The following MAPK8IP2 variants were observed in gnomAD, a reference collection of about 807,000 sequenced individuals.
The protein encoded by MAPK8IP2 is C-Jun-amino-terminal kinase-interacting protein 2.
Under a neutral mutation model 75.6 loss-of-function variants are expected in MAPK8IP2, and 15 were observed. The observed-to-expected ratio is 0.20, with a 90% CI of 0.13 to 0.31. The LOEUF is 0.31. MAPK8IP2 is among the 10% of genes least tolerant of loss of function. The pLI is 1.00. For synonymous variants in MAPK8IP2, 632 were observed against 554.5 expected (o/e 1.14, Z -1.96); for missense variants, 1,089 against 1,211.2 (o/e 0.90, Z 1.50).
chr22:50,604,844 G>A lies in MAPK8IP2; in HGVS notation c.1545G>A (p.Val515=). 2 of 1,586,684 alleles carry A rather than the reference G, an allele frequency of 1.3e-6. No individual in the cohort carries two copies. Among genetic ancestry groups the A allele is most frequent in the South Asian group, 2.3e-5 (2 of 88,500 alleles). ...VYDAVKYTLV[V]DEHTQLELVS... ...ACGCGGTCAAGTACACGCTGGTGGT[G>A]GATGAGCACACGCAGCTGGAGCTGG... The change falls in exon 5 of 12, where the codon GTG becomes GTA. Residue 515 remains valine, a synonymous_variant. Transcript: ENST00000329492.
In MAPK8IP2 at chr22:50,600,850, C is replaced by T. The variant is rs554703703; in HGVS notation, c.32C>T (p.Ser11Phe). Residue 11 changes from serine (S) to phenylalanine (F), a missense_variant, in exon 1 of 12, where the codon TCC (serine) becomes TTC (phenylalanine). Ser to Phe is a radical substitution (Grantham distance 155). Transcript: ENST00000329492. ...GATCGCGCGGAGATGTTTTCTCTCT[C>T]CACCTTCCACTCGCTGTCGCCGCCG... MADRAEMFSL[S>F]TFHSLSPPGC... 9.8e-5 allele frequency: 128 copies of T among 1,310,670 alleles called. No homozygotes were observed. The highest frequency in any genetic ancestry group is 1.1e-4 in the Non-Finnish European group (110 of 1,004,138). 81.2% of individuals were successfully genotyped at this position (1,310,670 alleles called of 1,614,324 possible). A position where few individuals can be genotyped will look rare whatever the true frequency, so the allele number is the denominator to read the frequency against.
intron 8 of MAPK8IP2, among the ~76,000 whole-genome samples, chr22:50,606,245 C>T (rs1162453232): frequency 6.6e-6 from 1 of 152,230 alleles, no homozygotes; most frequent in Non-Finnish European, 1.5e-5. Flanking sequence ...GACCAGCCCT[C>T]ACAGCCCCTT....
intron 6 of MAPK8IP2, 37 bp from the exon 7 acceptor site, chr22:50,605,525 C>A: frequency 2.8e-6 from 2 of 717,610 alleles, no homozygotes; most frequent in Non-Finnish European, 4.7e-6. Flanking sequence ...ACCGTCAATC[C>A]CGCCCCCCTC....
chr22:50,602,479 G>A (rs544324623), intron 2 of MAPK8IP2, among the ~76,000 whole-genome samples: 18 of 152,352 alleles, frequency 1.2e-4, no homozygotes, highest in African/African-American at 3.8e-4. Flanking sequence ...AGAAAGACTT[G>A]TAAGGGACAA....
At chr22:50,606,527 G>T in intron 8 of MAPK8IP2, 131 bp from the exon 9 acceptor site, 1 of 701,058 alleles carries the variant, frequency 1.4e-6, no homozygotes, top group Non-Finnish European at 2.6e-6. Flanking sequence ...TTCCAGAATT[G>T]CATCTCAGGG....
At chr22:50,605,312 A>G in intron 5 of MAPK8IP2, 56 bp from the exon 6 acceptor site, 1 of 1,537,176 alleles carries the variant, frequency 6.5e-7, no homozygotes, top group South Asian at 1.1e-5. Flanking sequence ...GCCTCTAAGC[A>G]CTACTCTGAC....
chr22:50,600,962 C>T (rs1465291748), intron 1 of MAPK8IP2, 79 bp downstream of exon 1: 3 of 445,310 alleles, frequency 6.7e-6, no homozygotes, highest in Non-Finnish European at 9.2e-6. Flanking sequence ...CCCGGACCCC[C>T]GTCCCCGCCG....
rs1324216685 is a variant in MAPK8IP2, at chr22:50,612,456, A to G, written c.*1677A>G. The G allele has an allele frequency of 2.0e-5, 3 of 152,168 alleles. No homozygotes were observed. Among genetic ancestry groups the G allele is most frequent in the Non-Finnish European group, 4.4e-5 (3 of 68,040 alleles). The allele number at this position is 152,168 out of a possible 1,614,324, so 9.4% of individuals were successfully genotyped here. ...AGGGAAGTATACACAAACTTACTAC[A>G]TAAACATTAGAAAGTGCTGTCCGTA... On this transcript the variant is annotated 3_prime_UTR_variant, in exon 12 of 12. Transcript: ENST00000329492.
chr22:50,609,818 G>T, intron 10 of MAPK8IP2: 1 of 520,878 alleles, frequency 1.9e-6, no homozygotes, highest in East Asian at 5.4e-5. Flanking sequence ...GCTGGGCAAG[G>T]GGCTGTCAGT....
chr22:50,609,000 G>C (rs539929727), intron 10 of MAPK8IP2, among the ~76,000 whole-genome samples: 89 of 152,294 alleles, frequency 5.8e-4, no homozygotes, highest in African/African-American at 1.9e-3. Context: ...AGTCGAGTTT[G>C]GGGTTTGGAG....
rs1569064988 is a variant in MAPK8IP2 at position 50,604,721 on chromosome 22, GGAC to G, written c.1428_1430del (p.Asp476del). On this transcript the variant is annotated inframe_deletion, in exon 5 of 12. Coordinates refer to ENST00000329492, the MANE Select transcript of MAPK8IP2 (RefSeq NM_012324.6). The stretch of plus-strand genomic sequence containing the variant: ...CCTGCTCCGAGGAGGAGGACGAAGA[GGAC>G]GACGAGGAAGAGGAGGATGCCGAGG... 2 of 1,534,496 alleles carry G rather than the reference GGAC, an allele frequency of 1.3e-6. No individual in the cohort carries two copies. Among genetic ancestry groups the G allele is most frequent in the Admixed American group, 4.1e-5 (2 of 48,500 alleles).
rs2071163463 is a variant in MAPK8IP2, at chr22:50,612,338, A to C, written c.*1559A>C. 1 of 152,182 alleles carries C rather than the reference A, an allele frequency of 6.6e-6. No individual in the cohort carries two copies. The highest frequency in any genetic ancestry group is 1.9e-4 in the East Asian group (1 of 5,182). 9.4% of individuals were successfully genotyped at this position (152,182 alleles called of 1,614,324 possible). ...GCCCTCCTGGGTGAGCCCGCCTCCC[A>C]GGCAGGGGTCAGCATGGCCGGGGTC... On this transcript the variant is annotated 3_prime_UTR_variant, in exon 12 of 12. Coordinates refer to ENST00000329492, the MANE Select transcript of MAPK8IP2 (RefSeq NM_012324.6).
In MAPK8IP2 at chr22:50,604,643, G is replaced by T; in HGVS notation, c.1344G>T (p.Pro448=). The change falls in exon 5 of 12, where the codon CCG becomes CCT. Residue 448 remains proline, a synonymous_variant. Coordinates refer to ENST00000329492, the MANE Select transcript of MAPK8IP2 (RefSeq NM_012324.6). ...ACCCCACGCGTGACACCATCACGCC[G>T]CTGTGGGCCGCGCCCGGCCGCGCCG... ...LSNPTRDTIT[P]LWAAPGRAAR... 3 of 1,520,096 alleles carry T rather than the reference G, an allele frequency of 2.0e-6. No individual in the cohort carries two copies. Among genetic ancestry groups the T allele is most frequent in the South Asian group, 1.2e-5 (1 of 82,328 alleles). The allele number at this position is 1,520,096 out of a possible 1,614,324, so 94.2% of individuals were successfully genotyped here.
At chr22:50,606,132 C>T (rs2071045477) in intron 8 of MAPK8IP2, among the ~76,000 whole-genome samples, 198 bp downstream of exon 8, 1 of 152,322 alleles carries the variant, frequency 6.6e-6, no homozygotes, top group African/African-American at 2.4e-5. Context: ...GAGTCTAGGG[C>T]AGAGCACAGC....
rs1344291860 is a variant in MAPK8IP2, at chr22:50,607,261, G to T, written c.2303+270G>T. Among the ~76,000 whole-genome samples the T allele has an allele frequency of 3.3e-5, 5 of 152,180 alleles. No homozygotes were observed. The highest frequency in any genetic ancestry group is 5.9e-5 in the Non-Finnish European group (4 of 68,032). ...AGAAGCCTGTGTGGGTGCAGAGGACGCCTGAGTGGGCCTGGGGCTCAGGAT... is the reference window on the plus strand; with the variant it reads ...AGAAGCCTGTGTGGGTGCAGAGGACTCCTGAGTGGGCCTGGGGCTCAGGAT... On this transcript the variant is annotated intron_variant, in intron 10 of 11. Coordinates refer to ENST00000329492, the MANE Select transcript of MAPK8IP2 (RefSeq NM_012324.6). The surrounding 1 kb of genome is among the most constrained non-coding windows in gnomAD (Gnocchi z 5.6).
chr22:50,604,362 G>T lies in MAPK8IP2; in HGVS notation c.1063G>T (p.Val355Leu). The T allele has an allele frequency of 6.5e-7, 1 of 1,533,260 alleles. No homozygotes were observed. The highest frequency in any genetic ancestry group is 8.7e-7 in the Non-Finnish European group (1 of 1,145,622). The allele number at this position is 1,533,260 out of a possible 1,614,324, so 95.0% of individuals were successfully genotyped here. ...CTCGCCCTGGCTGCTCAGCAACCTG[G>T]TGAGCCGCATGATCTCCGAGGGCTC... ...ADSPWLLSNL[V>L]SRMISEGSSP... is the part of the protein sequence containing the mutation. Residue 355 changes from valine to leucine, a missense_variant, in exon 5 of 12, where the codon GTG becomes TTG. Around this residue, in one of 2 missense-constraint regions of MAPK8IP2, gnomAD observed 960 missense variants for 1,009.6 expected, o/e 0.95. Coordinates refer to ENST00000329492, the MANE Select transcript of MAPK8IP2 (RefSeq NM_012324.6).
At position 50,610,405 on chromosome 22, in the gene MAPK8IP2, G is replaced by A; in HGVS notation, c.2402+95G>A. The A allele has an allele frequency of 9.3e-7, 1 of 1,075,106 alleles. No homozygotes were observed. The highest frequency in any genetic ancestry group is 1.4e-6 in the Non-Finnish European group (1 of 724,482). 66.6% of individuals were successfully genotyped at this position (1,075,106 alleles called of 1,614,324 possible). ...AGGTGGGGGCAGGAGCCTGGCAGGG[G>A]AGGTCTGGGGAAGGAGAACCAGATG... is the stretch of plus-strand genomic sequence containing the variant. On this transcript the variant is annotated intron_variant, in intron 11 of 11. Transcript: ENST00000329492. The surrounding 1 kb of genome is among the most constrained non-coding windows in gnomAD (Gnocchi z 4.3).
rs1199385377 is a variant in MAPK8IP2, at chr22:50,613,163, A to T, written c.*2384A>T. 6.5e-6 allele frequency: 1 copy of T among 152,732 alleles called. No individual in the cohort carries two copies. The highest frequency in any genetic ancestry group is 1.5e-5 in the Non-Finnish European group (1 of 68,530). The allele number at this position is 152,732 out of a possible 1,614,324, so 9.5% of individuals were successfully genotyped here. A position where few individuals can be genotyped will look rare whatever the true frequency, so the allele number is the denominator to read the frequency against. On this transcript the variant is annotated 3_prime_UTR_variant, in exon 12 of 12. Coordinates refer to ENST00000329492, the MANE Select transcript of MAPK8IP2 (RefSeq NM_012324.6). ...GGCCCCTGGCAGCCGCCCCCTGTGC[A>T]GACCACTGGGCAGATCCAGCTGACC... is the stretch of plus-strand genomic sequence containing the variant.
chr22:50,606,712 C>T lies in MAPK8IP2; in HGVS notation c.2179C>T (p.Leu727Phe), dbSNP rs373969780. 1 of 1,594,956 alleles carries T rather than the reference C, an allele frequency of 6.3e-7. No homozygotes were observed. Among genetic ancestry groups the T allele is most frequent in the Admixed American group, 1.7e-5 (1 of 57,156 alleles). The change falls in exon 9 of 12, where the codon CTC (leucine) becomes TTC (phenylalanine). Residue 727 changes from leucine to phenylalanine, a missense_variant. Physicochemically the swap from Leu to Phe is conservative, Grantham distance 22. Coordinates refer to ENST00000329492, the MANE Select transcript of MAPK8IP2 (RefSeq NM_012324.6). The part of the protein sequence containing the change: ...VHLRPPASCD[L>F]EISLRGVKLS... ...CCTGCGCCCTCCTGCCTCCTGTGAC[C>T]TCGAGATCTCTCTTCGGGGGGTCAA...
Sources: allele counts gnomAD v4.1 joint callset (sites outside exome capture counted in the v4.1 genomes callset), GRCh38; gene constraint gnomAD v4.1.1; regional missense constraint gnomAD v4.1.1; non-coding constraint Gnocchi (gnomAD v3.1); transcripts MANE v1.5; gene names NCBI Gene and HGNC (gene_info 2026-07-23, HGNC 2026-07-21).